Variants in HDLBP observed in about 807,000 individuals in gnomAD.
HDLBP encodes vigilin.
HDLBP carries 30 observed loss-of-function variants against 137.3 expected under a neutral mutation model. The observed-to-expected ratio is 0.22, with a 90% confidence interval of 0.16 to 0.30. The LOEUF is 0.30. Among genes scored for constraint, HDLBP ranks in the 10% least tolerant of loss-of-function variants. The probability of loss-of-function intolerance (pLI) is 1.00; values close to 1 mark genes in which losing one functional copy is unlikely to be tolerated. For missense variants in HDLBP, 1,119 were observed against 1,667.3 expected, an observed-to-expected ratio of 0.67 and a Z score of 5.73; for synonymous variants, 606 against 596.0, an observed-to-expected ratio of 1.02 and a Z score of -0.24.
In HDLBP at chr2:241,253,024, C is replaced by T. The variant is rs1208333007; in HGVS notation, c.1305G>A (p.Met435Ile). The T allele has an allele frequency of 5.6e-6, 9 of 1,605,564 alleles. No homozygotes were observed. The highest frequency in any genetic ancestry group is 1.3e-5 in the African/African-American group (1 of 74,788). The change falls in exon 11 of 28, where the codon ATG becomes ATA. Residue 435 changes from methionine to isoleucine, a missense_variant. Physicochemically the swap from Met to Ile is conservative, Grantham distance 10 (BLOSUM62 1). Coordinates refer to ENST00000310931, the MANE Select transcript of HDLBP (RefSeq NM_005336.6). The part of the protein sequence containing the change: ...EGMVKDLINR[M>I]DYVEINIDHK... ...GGTCGATGTTGATCTCCACATAGTC[C>T]ATCCGGTTAATCTGCAGGAGGAGCA...
intron 1 of HDLBP, among the ~76,000 whole-genome samples, chr2:241,270,180 G>A (rs528360245): frequency 9.2e-5 from 14 of 152,236 alleles, no homozygotes; most frequent in African/African-American, 3.4e-4. Flanking sequence ...AAGTCCAGCC[G>A]GACCCTATAC....
In HDLBP at chr2:241,230,184, A is replaced by G; in HGVS notation, c.3560T>C (p.Ile1187Thr). Residue 1187 changes from isoleucine to threonine, a missense_variant, in exon 26 of 28, where the codon ATC becomes ACC. By Grantham distance (89) the Ile-to-Thr change is moderately conservative. Transcript: ENST00000310931. This position sits in a 1 kb window ranked among gnomAD's most constrained non-coding sequence, Gnocchi z 5.0. Reference protein sequence around the residue: ...TGLPENVEEAIDHILNLEEEY... With the variant: ...TGLPENVEEATDHILNLEEEY... The stretch of plus-strand genomic sequence containing the variant: ...CTCCTCCAGATTGAGGATGTGGTCG[A>G]TGGCTTCCTCCACATTCTCTGGGAG... 1 of 1,613,760 alleles carries G rather than the reference A, an allele frequency of 6.2e-7. No individual in the cohort carries two copies. The highest frequency in any genetic ancestry group is 8.5e-7 in the Non-Finnish European group (1 of 1,179,824).
chr2:241,260,406 AATG>A (rs1368124578), intron 5 of HDLBP, among the ~76,000 whole-genome samples: 2 of 152,224 alleles, frequency 1.3e-5, no homozygotes, highest in Non-Finnish European at 2.9e-5. Flanking sequence ...CAGCATGAAG[AATG>A]ATGGACAATG....
intron 2 of HDLBP, chr2:241,267,735 G>C (rs2073785673): frequency 6.5e-7 from 1 of 1,532,890 alleles, no homozygotes; most frequent in Non-Finnish European, 8.7e-7. Flanking sequence ...AGCAGCCTCA[G>C]TGCTTTGTAG....
At chr2:241,249,252 C>T in intron 12 of HDLBP, 1 of 464,290 alleles carries the variant, frequency 2.2e-6, no homozygotes, top group Non-Finnish European at 4.5e-6. Flanking sequence ...GGGCTTGTTC[C>T]TCACACAGTC....
rs2073724188 is a variant in HDLBP at position 241,267,010 on chromosome 2, G to C, written c.-37-104C>G. On this transcript the variant is annotated intron_variant, in intron 2 of 27. Coordinates refer to ENST00000310931, the MANE Select transcript of HDLBP (RefSeq NM_005336.6). ...CAAAGTTTTACTCTCTTTTTTACCA[G>C]CAAACTATACCTTTTTATTTTCCTC... 6.2e-6 allele frequency: 5 copies of C among 806,016 alleles called. No homozygotes were observed. The South Asian group carries it at 7.6e-5, about 12-fold the overall frequency. 49.9% of individuals were successfully genotyped at this position (806,016 alleles called of 1,614,324 possible).
In HDLBP at chr2:241,289,137, T is replaced by C. The variant is rs556560572; in HGVS notation, c.-102-20596A>G. 1.2e-4 allele frequency among the ~76,000 whole-genome samples: 19 copies of C among 152,350 alleles called. No homozygotes were observed. In the South Asian group the frequency reaches 1.7e-3, roughly 13 times the overall value. On this transcript the variant is annotated intron_variant, in intron 1 of 27. Transcript: ENST00000310931. Reference sequence around the variant, plus strand: ...TATCCAAATAGAAACAATACTTTTCTACAAACAAGAAAACACACATCAGGA... The same window carrying C: ...TATCCAAATAGAAACAATACTTTTCCACAAACAAGAAAACACACATCAGGA...
chr2:241,314,100 G>C (rs1366784826), intron 1 of HDLBP, among the ~76,000 whole-genome samples: 1 of 152,314 alleles, frequency 6.6e-6, no homozygotes, highest in Non-Finnish European at 1.5e-5. Context: ...TTGATAGGTT[G>C]ATGTTTCAGA....
chr2:241,261,714 G>T (rs1490906308), intron 5 of HDLBP, among the ~76,000 whole-genome samples: 1 of 152,220 alleles, frequency 6.6e-6, no homozygotes, highest in South Asian at 2.1e-4. Flanking sequence ...ACACTTAATG[G>T]TTTAACTCCA....
At chr2:241,301,983 C>T (rs904653730) in intron 1 of HDLBP, among the ~76,000 whole-genome samples, 5 of 151,656 alleles carry the variant, frequency 3.3e-5, no homozygotes, top group African/African-American at 1.2e-4. Context: ...GTAATCCCAA[C>T]ACTTTGGGAG....
At chr2:241,288,832 GA>G (rs2074918610) in intron 1 of HDLBP, among the ~76,000 whole-genome samples, 1 of 152,204 alleles carries the variant, frequency 6.6e-6, no homozygotes, top group Non-Finnish European at 1.5e-5. Flanking sequence ...ATGGCTGTAG[GA>G]AGGGCCATTC....
intron 1 of HDLBP, among the ~76,000 whole-genome samples, chr2:241,305,294 T>C (rs2075533839): frequency 6.6e-6 from 1 of 152,224 alleles, no homozygotes; most frequent in Non-Finnish European, 1.5e-5. Flanking sequence ...CGGCTAATTC[T>C]GTATTTTTAG....
At chr2:241,271,207 T>C in intron 1 of HDLBP, 1 of 867,476 alleles carries the variant, frequency 1.2e-6, no homozygotes, top group Non-Finnish European at 1.4e-6. Flanking sequence ...TCCCAACTAC[T>C]TTTCCCATAG....
chr2:241,255,694 T>A, intron 7 of HDLBP, 114 bp from the exon 8 acceptor site: 1 of 756,622 alleles, frequency 1.3e-6, no homozygotes, highest in Admixed American at 2.1e-5. Context: ...TAGATGCTGA[T>A]CCCAAGAAGT....
intron 1 of HDLBP, among the ~76,000 whole-genome samples, chr2:241,314,580 C>A (rs10185319): frequency 0.8 from 121,714 of 152,050 alleles, 48,887 homozygotes; most frequent in East Asian, 0.95. Context: ...ATTCCTTCAG[C>A]CGTTTAATTT....
At chr2:241,252,127 T>C (rs1347067524) in intron 11 of HDLBP, among the ~76,000 whole-genome samples, 1 of 151,720 alleles carries the variant, frequency 6.6e-6, no homozygotes, top group Middle Eastern at 3.2e-3. Context: ...CTTCCAACAG[T>C]GTCCTGTAAC....
chr2:241,251,361 AC>A (rs2072149024), intron 11 of HDLBP, among the ~76,000 whole-genome samples: 1 of 152,262 alleles, frequency 6.6e-6, no homozygotes, highest in Non-Finnish European at 1.5e-5. Flanking sequence ...CTTTGTGCCT[AC>A]AGACTCTCGT....
rs1301244786 is a variant in HDLBP, at chr2:241,272,657, C to T, written c.-102-4116G>A. 4.3e-6 allele frequency: 4 copies of T among 935,730 alleles called. No individual in the cohort carries two copies. Among genetic ancestry groups the T allele is most frequent in the Non-Finnish European group, 5.1e-6 (4 of 787,124 alleles). 58.0% of individuals were successfully genotyped at this position (935,730 alleles called of 1,614,324 possible). On this transcript the variant is annotated intron_variant, in intron 1 of 27. Transcript: ENST00000310931. This position sits in a 1 kb window ranked among gnomAD's most constrained non-coding sequence, Gnocchi z 5.6. ...CGCGGCACCCGGGCCCCTCCCCCTC[C>T]GCGGCCTCCACGTCAGCAGCCACCC...
intron 5 of HDLBP, among the ~76,000 whole-genome samples, chr2:241,258,445 G>T (rs2072899098): frequency 6.6e-6 from 1 of 151,736 alleles, no homozygotes; most frequent in African/African-American, 2.4e-5. Flanking sequence ...AACTGCCTGA[G>T]CCTAGGAGGT....
Sources: allele counts gnomAD v4.1 joint callset (sites outside exome capture counted in the v4.1 genomes callset), GRCh38; gene constraint gnomAD v4.1.1; non-coding constraint Gnocchi (gnomAD v3.1); transcripts MANE v1.5; gene names NCBI Gene and HGNC (gene_info 2026-07-23, HGNC 2026-07-21).